The following BCR variants were observed in gnomAD, a reference collection of about 807,000 sequenced individuals.
BCR encodes the protein breakpoint cluster region protein.
BCR carries 58 observed loss-of-function variants against 138.6 expected under a neutral mutation model. The observed-to-expected ratio is 0.42, with a 90% CI of 0.34 to 0.52. The LOEUF (loss-of-function observed/expected upper bound fraction) is 0.52. Ranked by LOEUF, BCR falls within the 20% of genes least tolerant of loss-of-function variation. The pLI is 0.06. For synonymous variants in BCR, 786 were observed against 730.1 expected (o/e 1.08, Z -1.23); for missense variants, 1,599 against 1,727.2 (o/e 0.93, Z 1.32).
chr22:23,181,579 G>A lies in BCR; in HGVS notation c.619G>A (p.Ala207Thr), dbSNP rs1466820888. The change falls in exon 1 of 23, where the codon GCC becomes ACC. Residue 207 changes from alanine to threonine, a missense_variant. Coordinates refer to ENST00000305877, the MANE Select transcript of BCR (RefSeq NM_004327.4). ...CCGCATCAGCTCCCTGGGCAGCCAG[G>A]CCATGCAGATGGAGCGCAAAAAGTC... ...SDRISSLGSQ[A>T]MQMERKKSQH... The A allele has an allele frequency of 4.3e-6, 7 of 1,612,762 alleles. No homozygotes were observed. The highest frequency in any genetic ancestry group is 1.3e-5 in the African/African-American group (1 of 74,944).
intron 1 of BCR, among the ~76,000 whole-genome samples, chr22:23,192,363 G>A (rs1302705658): frequency 1.3e-5 from 2 of 152,214 alleles, no homozygotes; most frequent in African/African-American, 4.8e-5. Context: ...ATGACTTTGC[G>A]GAGGTGGAGG....
At chr22:23,204,794 G>A (rs947146885) in intron 1 of BCR, among the ~76,000 whole-genome samples, 3 of 152,202 alleles carry the variant, frequency 2.0e-5, no homozygotes, top group South Asian at 4.1e-4. Flanking sequence ...AGGCCCTGCC[G>A]TCCGCGTGGA....
At chr22:23,267,491 A>G (rs2146283373) in intron 4 of BCR, among the ~76,000 whole-genome samples, 1 of 152,228 alleles carries the variant, frequency 6.6e-6, no homozygotes, top group East Asian at 1.9e-4. Flanking sequence ...AAAATTCAAT[A>G]TAAATGCAAA....
At chr22:23,200,586 C>T (rs1482147047) in intron 1 of BCR, among the ~76,000 whole-genome samples, 1 of 152,014 alleles carries the variant, frequency 6.6e-6, no homozygotes, top group Non-Finnish European at 1.5e-5. Flanking sequence ...GAAACAAGGT[C>T]TCACTCTGTC....
At position 23,181,414 on chromosome 22, in the gene BCR, G is replaced by C; in HGVS notation, c.454G>C (p.Ala152Pro). Residue 152 changes from alanine to proline, a missense_variant, in exon 1 of 23, where the codon GCG becomes CCG. Physicochemically the swap from Ala to Pro is conservative, Grantham distance 27 (BLOSUM62 -1). Coordinates refer to ENST00000305877, the MANE Select transcript of BCR (RefSeq NM_004327.4). ...RDDRGPPASV[A>P]ALRSNFERIR... ...CGACCGGGGACCCCCCGCCAGCGTG[G>C]CGGCGCTCAGGTCCAACTTCGAGCG... The C allele has an allele frequency of 6.3e-7, 1 of 1,575,600 alleles. No individual in the cohort carries two copies. Among genetic ancestry groups the C allele is most frequent in the South Asian group, 1.1e-5 (1 of 87,782 alleles).
intron 1 of BCR, among the ~76,000 whole-genome samples, chr22:23,202,733 G>C (rs986112059): frequency 6.8e-6 from 1 of 147,836 alleles, no homozygotes; most frequent in Non-Finnish European, 1.5e-5. Context: ...GTGTGTGTGT[G>C]TGTGTGTGTG....
At chr22:23,195,966 A>G (rs1401028937) in intron 1 of BCR, among the ~76,000 whole-genome samples, 1 of 152,222 alleles carries the variant, frequency 6.6e-6, no homozygotes, top group Non-Finnish European at 1.5e-5. Flanking sequence ...GAAATAAAAA[A>G]ACATTGCCAT....
intron 9 of BCR, among the ~76,000 whole-genome samples, chr22:23,284,711 G>A (rs2073690783): frequency 6.6e-6 from 1 of 152,200 alleles, no homozygotes; most frequent in South Asian, 2.1e-4. Context: ...CCCTGGGGGT[G>A]GATTTCAGTC....
intron 4 of BCR, among the ~76,000 whole-genome samples, chr22:23,265,296 A>G (rs1412916527): frequency 6.6e-6 from 1 of 152,194 alleles, no homozygotes; most frequent in East Asian, 1.9e-4. Context: ...CGAGCTGAGT[A>G]CTCACGTGTG....
chr22:23,182,157 G>A lies in BCR; in HGVS notation c.1197G>A (p.Val399=). ...HKRHRHCPVV[V]SEATIVGVRK... ...GGCACCGGCACTGCCCGGTTGTCGT[G>A]TCCGAGGCCACCATCGTGGGCGTCC... The change falls in exon 1 of 23, where the codon GTG becomes GTA. Residue 399 remains valine, a synonymous_variant. Coordinates refer to ENST00000305877, the MANE Select transcript of BCR (RefSeq NM_004327.4). 1 of 1,608,244 alleles carries A rather than the reference G, an allele frequency of 6.2e-7. No individual in the cohort carries two copies. The highest frequency in any genetic ancestry group is 1.3e-5 in the African/African-American group (1 of 75,070).
chr22:23,195,692 G>C (rs563351902), intron 1 of BCR, among the ~76,000 whole-genome samples: 1 of 152,216 alleles, frequency 6.6e-6, no homozygotes, highest in Non-Finnish European at 1.5e-5. Flanking sequence ...TTCAAGACCA[G>C]CCTGGCCAAC....
intron 1 of BCR, among the ~76,000 whole-genome samples, chr22:23,246,349 G>A (rs909921985): frequency 2.0e-5 from 3 of 152,170 alleles, no homozygotes; most frequent in Non-Finnish European, 4.4e-5. Flanking sequence ...AGGAGATCAC[G>A]TGAGCCCAGG....
At chr22:23,194,190 T>C (rs1029605323) in intron 1 of BCR, among the ~76,000 whole-genome samples, 5 of 152,258 alleles carry the variant, frequency 3.3e-5, no homozygotes, top group Non-Finnish European at 7.3e-5. Flanking sequence ...AACTCATTTA[T>C]GAATTTTGAC....
intron 1 of BCR, among the ~76,000 whole-genome samples, chr22:23,197,317 T>G (rs1038223007): frequency 5.9e-5 from 9 of 152,024 alleles, no homozygotes; most frequent in African/African-American, 1.5e-4. Flanking sequence ...CTCTATGATG[T>G]TTGCATGAAG....
intron 1 of BCR, among the ~76,000 whole-genome samples, chr22:23,240,341 G>C (rs55883505): frequency 0.036 from 5,274 of 145,992 alleles, 143 homozygotes; most frequent in South Asian, 0.12. Flanking sequence ...GTGTGTGTGT[G>C]TGTCTGTCTA....
In BCR at chr22:23,181,932, C is replaced by T; in HGVS notation, c.972C>T (p.Cys324=). 2 of 1,612,934 alleles carry T rather than the reference C, an allele frequency of 1.2e-6. No homozygotes were observed. The highest frequency in any genetic ancestry group is 8.5e-7 in the Non-Finnish European group (1 of 1,179,858). The change falls in exon 1 of 23, where the codon TGC becomes TGT. Residue 324 remains cysteine (C), a synonymous_variant. Transcript: ENST00000305877. ...ACTCCCCCCGGAGTTTTGAGGATTGCGGAGGCGGCTATACCCCGGACTGCA... is the reference window on the plus strand; with the variant it reads ...ACTCCCCCCGGAGTTTTGAGGATTGTGGAGGCGGCTATACCCCGGACTGCA... The part of the protein sequence containing the change: ...RSYSPRSFED[C]GGGYTPDCSS...
At chr22:23,249,721 C>T (rs2073201303) in intron 1 of BCR, among the ~76,000 whole-genome samples, 1 of 152,124 alleles carries the variant, frequency 6.6e-6, no homozygotes, top group Non-Finnish European at 1.5e-5. Context: ...GGCAGTCCTC[C>T]CCACACCATC....
chr22:23,271,912 A>G (rs548780605), intron 6 of BCR, among the ~76,000 whole-genome samples: 1 of 151,134 alleles, frequency 6.6e-6, no homozygotes, highest in East Asian at 1.9e-4. Context: ...TGCAACCTCC[A>G]CTTCCCGGGT....
intron 10 of BCR, among the ~76,000 whole-genome samples, chr22:23,286,752 C>G (rs2146302727): frequency 6.6e-6 from 1 of 152,230 alleles, no homozygotes; most frequent in South Asian, 2.1e-4. Context: ...CACAAACATG[C>G]CCAGGGGCCC....
Sources: gnomAD v4.1 joint callset for allele counts (sites outside exome capture counted in the v4.1 genomes callset) on GRCh38, gnomAD v4.1.1 for gene constraint, MANE v1.5 for transcripts, NCBI Gene and HGNC (gene_info 2026-07-23, HGNC 2026-07-21) for gene names.